SLC28A1: variants seen among roughly 807,000 people sequenced by gnomAD.
SLC28A1 encodes the protein sodium/nucleoside cotransporter 1.
A neutral mutation model predicts 74.8 loss-of-function variants in SLC28A1; 64 were observed. The ratio of observed to expected loss-of-function variants is 0.86; its 90% CI spans 0.70 to 1.05. SLC28A1 has a LOEUF of 1.05. Among genes scored for constraint, SLC28A1 ranks in the 50% least tolerant of loss-of-function variants. The pLI, the probability that SLC28A1 is intolerant of heterozygous loss-of-function variation, is 0.00. For synonymous variants in SLC28A1, 359 were observed against 335.0 expected, an observed-to-expected ratio of 1.07 and a Z score of -0.78; for missense variants, 828 against 822.8, an observed-to-expected ratio of 1.01 and a Z score of -0.08.
intron 12 of SLC28A1, among the ~76,000 whole-genome samples, chr15:84,928,260 C>G (rs1970729672): frequency 6.6e-6 from 1 of 152,104 alleles, no homozygotes; most frequent in Admixed American, 6.5e-5. Flanking sequence ...TTGAAAGCCC[C>G]AGACTACAAC....
the SLC28A1 span, among the ~76,000 whole-genome samples, chr15:84,952,352 A>G: frequency 6.6e-6 from 1 of 152,168 alleles, no homozygotes; most frequent in African/African-American, 2.4e-5. Context: ...TACAAGTAAG[A>G]AGGCAGTAAC....
At chr15:84,908,536 C>T (rs1431347269) in intron 8 of SLC28A1, among the ~76,000 whole-genome samples, 182 bp from the exon 9 acceptor site, 1 of 152,058 alleles carries the variant, frequency 6.6e-6, no homozygotes, top group African/African-American at 2.4e-5. Context: ...GGCAAATATG[C>T]TTAGGAGTGA....
chr15:84,973,017 C>T, the SLC28A1 span, among the ~76,000 whole-genome samples: 9 of 152,258 alleles, frequency 5.9e-5, no homozygotes, highest in South Asian at 1.2e-3. Context: ...CGTATTACTC[C>T]AAGGCTAAGG....
At chr15:84,964,050 T>C in the SLC28A1 span, among the ~76,000 whole-genome samples, 2 of 152,138 alleles carry the variant, frequency 1.3e-5, no homozygotes, top group African/African-American at 4.8e-5. Flanking sequence ...CATCTGAACT[T>C]ATAAGTTGAG....
chr15:84,916,050 C>T (rs1969041965), intron 9 of SLC28A1, among the ~76,000 whole-genome samples: 2 of 151,848 alleles, frequency 1.3e-5, no homozygotes, highest in South Asian at 4.2e-4. Context: ...GCAACCTCTG[C>T]CTCCCGGGTT....
At chr15:84,917,613 A>C (rs1969300993) in intron 9 of SLC28A1, among the ~76,000 whole-genome samples, 1 of 151,824 alleles carries the variant, frequency 6.6e-6, no homozygotes, top group South Asian at 2.1e-4. Flanking sequence ...ACAGCATAGC[A>C]TACACTCTTG....
At chr15:84,929,563 T>C (rs1018966331) in intron 12 of SLC28A1, among the ~76,000 whole-genome samples, 1 of 138,152 alleles carries the variant, frequency 7.2e-6, no homozygotes, top group African/African-American at 2.7e-5. Flanking sequence ...AAAAAAAATG[T>C]GGCTTCTAGG....
chr15:84,904,850 T>G (rs1026433996), intron 7 of SLC28A1, among the ~76,000 whole-genome samples: 1 of 152,092 alleles, frequency 6.6e-6, no homozygotes, highest in South Asian at 2.1e-4. Context: ...ACGCACCCAT[T>G]TGGGAGGGCC....
At chr15:84,899,910 AGAAAGAGG>A (rs1555444945) in intron 6 of SLC28A1, among the ~76,000 whole-genome samples, 3 of 147,456 alleles carry the variant, frequency 2.0e-5, no homozygotes, top group African/African-American at 5.0e-5. Context: ...AGAAAGAAAG[AGAAAGAGG>A]GAAAGAGGGA....
chr15:84,928,530 CTT>C (rs1303924566), intron 12 of SLC28A1, among the ~76,000 whole-genome samples: 1 of 6,792 alleles, frequency 1.5e-4, no homozygotes, highest in African/African-American at 9.7e-4. Context: ...TTCGTTCGTT[CTT>C]TCTTTCTTTC....
chr15:84,927,242 G>T (rs979809400), intron 12 of SLC28A1, among the ~76,000 whole-genome samples: 2 of 152,130 alleles, frequency 1.3e-5, no homozygotes, highest in Non-Finnish European at 2.9e-5. Context: ...TCCTCTGAAG[G>T]TTCACTGAAA....
In SLC28A1 at chr15:84,933,286, C is replaced by T. The variant is rs575370072; in HGVS notation, c.1214+11C>T. 236 of 1,611,928 alleles carry T rather than the reference C, an allele frequency of 1.5e-4. No homozygotes were observed. The highest frequency in any genetic ancestry group is 1.9e-4 in the Non-Finnish European group (226 of 1,178,836). On this transcript the variant is annotated intron_variant, in intron 13 of 18. Transcript: ENST00000394573. The stretch of plus-strand genomic sequence containing the variant: ...GAAACTGACCTATGGGTGAGCACAG[C>T]AGGAGGTCCTGCAGACAGGGTAGTG...
rs1210414055 is a variant in SLC28A1 at position 84,908,660 on chromosome 15, C to T, written c.718-58C>T. Reference sequence around the variant, plus strand: ...CGCCTGTCTCTGGCCGCTGCTTCCTCCCTCCTCCCTTCCCAGCCTCACTGC... The same window carrying T: ...CGCCTGTCTCTGGCCGCTGCTTCCTTCCTCCTCCCTTCCCAGCCTCACTGC... On this transcript the variant is annotated intron_variant, in intron 8 of 18. Transcript: ENST00000394573. The T allele has an allele frequency of 2.8e-6, 4 of 1,450,222 alleles. No individual in the cohort carries two copies. In the African/African-American group the frequency reaches 5.6e-5, roughly 20 times the overall value. The allele number at this position is 1,450,222 out of a possible 1,614,324, so 89.8% of individuals were successfully genotyped here. A position where few individuals can be genotyped will look rare whatever the true frequency, so the allele number is the denominator to read the frequency against.
intron 6 of SLC28A1, among the ~76,000 whole-genome samples, chr15:84,903,073 T>C (rs945840770): frequency 6.6e-6 from 1 of 152,084 alleles, no homozygotes; most frequent in African/African-American, 2.4e-5. Context: ...AGAGAAATAG[T>C]AAGTAAAGAG....
At chr15:84,932,101 A>G (rs1971375254) in intron 12 of SLC28A1, among the ~76,000 whole-genome samples, 1 of 152,080 alleles carries the variant, frequency 6.6e-6, no homozygotes, top group Admixed American at 6.6e-5. Context: ...TAATCTTTTC[A>G]TGCGCCATTT....
chr15:84,937,205 C>T (rs1003845336), intron 15 of SLC28A1, among the ~76,000 whole-genome samples: 8 of 151,818 alleles, frequency 5.3e-5, no homozygotes, highest in African/African-American at 1.9e-4. Context: ...ACATATTTAC[C>T]CAATCCCCTG....
intron 12 of SLC28A1, among the ~76,000 whole-genome samples, chr15:84,927,230 C>G (rs74450147): frequency 0.02 from 3,113 of 152,244 alleles, 119 homozygotes; most frequent in African/African-American, 0.072. Flanking sequence ...ATTTCCCCTA[C>G]GTCCTCTGAA....
chr15:84,892,672 T>C (rs1480665940), intron 5 of SLC28A1, among the ~76,000 whole-genome samples: 3 of 152,192 alleles, frequency 2.0e-5, no homozygotes, highest in Non-Finnish European at 4.4e-5. Context: ...ACCTCTTTCC[T>C]GGGGAGGCTG....
intron 9 of SLC28A1, among the ~76,000 whole-genome samples, chr15:84,917,298 A>G (rs1238885152): frequency 6.6e-6 from 1 of 152,204 alleles, no homozygotes; most frequent in Non-Finnish European, 1.5e-5. Flanking sequence ...ACAAAAGGGT[A>G]TAAGGTAAAA....
Sources: allele counts gnomAD v4.1 joint callset (sites outside exome capture counted in the v4.1 genomes callset), GRCh38; gene constraint gnomAD v4.1.1; transcripts MANE v1.5; gene names NCBI Gene and HGNC (gene_info 2026-07-23, HGNC 2026-07-21).